The following BMP6 variants were observed in gnomAD, a reference collection of about 807,000 sequenced individuals.
The protein encoded by BMP6 is bone morphogenetic protein 6.
In BMP6, 17 loss-of-function variants were observed where a neutral mutation model predicts 54.1. The observed-to-expected ratio is 0.31, with a 90% confidence interval of 0.22 to 0.47. The LOEUF is 0.47. BMP6 is among the 20% of genes least tolerant of loss of function. The pLI is 1.00. For synonymous variants in BMP6, 328 were observed against 291.2 expected, an observed-to-expected ratio of 1.13 and a Z score of -1.28; for missense variants, 720 against 690.4, an observed-to-expected ratio of 1.04 and a Z score of -0.48.
At chr6:7,757,104 A>G (rs1158600167) in intron 1 of BMP6, among the ~76,000 whole-genome samples, 2 of 152,194 alleles carry the variant, frequency 1.3e-5, no homozygotes, top group South Asian at 2.1e-4. Context: ...TCTAAACTCA[A>G]TGAGATTGTT....
At position 7,742,237 on chromosome 6, in the gene BMP6, A is replaced by G. The variant is rs141500430; in HGVS notation, c.664+14618A>G. ...AAAGGCTTTGGGAAGAAGAAATATTATTTTCCTTCTATCTGATGTCATTAT... is the reference window on the plus strand; with the variant it reads ...AAAGGCTTTGGGAAGAAGAAATATTGTTTTCCTTCTATCTGATGTCATTAT... On this transcript the variant is annotated intron_variant, in intron 1 of 6. Transcript: ENST00000283147. Among the ~76,000 whole-genome samples, 46 of 152,282 alleles carry G rather than the reference A, an allele frequency of 3.0e-4. No homozygotes were observed. In the East Asian group the frequency reaches 6.9e-3, roughly 23 times the overall value.
intron 1 of BMP6, among the ~76,000 whole-genome samples, chr6:7,815,881 G>C (rs1427536958): frequency 1.3e-5 from 2 of 152,144 alleles, no homozygotes; most frequent in Non-Finnish European, 2.9e-5. Context: ...TCCAAAAATA[G>C]AGCAAGAGGA....
intron 1 of BMP6, among the ~76,000 whole-genome samples, chr6:7,794,710 G>A (rs747108744): frequency 5.3e-5 from 8 of 152,114 alleles, no homozygotes; most frequent in African/African-American, 9.7e-5. Context: ...TTAGGAGATC[G>A]TATTCTCAGC....
chr6:7,853,223 T>A (rs1049089708), intron 2 of BMP6, among the ~76,000 whole-genome samples: 7 of 152,160 alleles, frequency 4.6e-5, no homozygotes, highest in East Asian at 3.9e-4. Flanking sequence ...GTTAATTCAG[T>A]ATTTTTTTTA....
At chr6:7,765,454 A>G (rs1757672773) in intron 1 of BMP6, among the ~76,000 whole-genome samples, 1 of 152,240 alleles carries the variant, frequency 6.6e-6, no homozygotes. Context: ...TGCTTGGTGC[A>G]GTTAGGTACC....
At chr6:7,811,422 G>A (rs139701244) in intron 1 of BMP6, among the ~76,000 whole-genome samples, 162 of 152,298 alleles carry the variant, frequency 1.1e-3, no homozygotes, top group African/African-American at 3.8e-3. Flanking sequence ...GTCTGATTTG[G>A]AGGGATGTAG....
At chr6:7,803,623 G>T (rs1699170900) in intron 1 of BMP6, among the ~76,000 whole-genome samples, 1 of 152,088 alleles carries the variant, frequency 6.6e-6, no homozygotes, top group African/African-American at 2.4e-5. Context: ...GGTTCACGTG[G>T]CATCCCCTTC....
intron 1 of BMP6, among the ~76,000 whole-genome samples, chr6:7,791,388 G>A (rs1004036382): frequency 2.0e-5 from 3 of 152,086 alleles, no homozygotes; most frequent in Admixed American, 6.5e-5. Flanking sequence ...CTTCCTGTGG[G>A]GAGCAGCATC....
intron 1 of BMP6, among the ~76,000 whole-genome samples, chr6:7,758,726 G>A (rs941341836): frequency 5.3e-5 from 8 of 152,144 alleles, no homozygotes; most frequent in South Asian, 4.1e-4. Context: ...CCTTGGGTCC[G>A]GCTGTGCCTC....
rs754570181 is a variant in BMP6, at chr6:7,845,349, A to C, written c.857+17A>C. The C allele has an allele frequency of 6.2e-7, 1 of 1,602,764 alleles. No homozygotes were observed. Among genetic ancestry groups the C allele is most frequent in the South Asian group, 1.1e-5 (1 of 89,682 alleles). On this transcript the variant is annotated intron_variant, in intron 2 of 6. Coordinates refer to ENST00000283147, the MANE Select transcript of BMP6 (RefSeq NM_001718.6). ...TCAGCACAGGTATGAAGGCTCGAGAAAGCCCCAAAGGTGGGGCTGGCCCCT... is the reference window on the plus strand; with the variant it reads ...TCAGCACAGGTATGAAGGCTCGAGACAGCCCCAAAGGTGGGGCTGGCCCCT...
intron 1 of BMP6, among the ~76,000 whole-genome samples, chr6:7,761,547 CAG>C (rs1288047421): frequency 6.6e-6 from 1 of 152,208 alleles, no homozygotes; most frequent in East Asian, 1.9e-4. Flanking sequence ...CTGGAGCCAA[CAG>C]GGGTGGATGG....
chr6:7,853,874 T>C (rs779938928), intron 2 of BMP6, among the ~76,000 whole-genome samples: 11 of 150,458 alleles, frequency 7.3e-5, no homozygotes, highest in Non-Finnish European at 1.5e-4. Flanking sequence ...GTCAAGGGCA[T>C]ATGACTTATA....
At chr6:7,755,617 A>G (rs535369077) in intron 1 of BMP6, among the ~76,000 whole-genome samples, 1 of 152,044 alleles carries the variant, frequency 6.6e-6, no homozygotes, top group African/African-American at 2.4e-5. Flanking sequence ...ATACCCACCT[A>G]TTTACCATTT....
intron 1 of BMP6, among the ~76,000 whole-genome samples, chr6:7,821,878 T>C (rs943601767): frequency 6.6e-6 from 1 of 152,224 alleles, no homozygotes; most frequent in Non-Finnish European, 1.5e-5. Flanking sequence ...AGAGGGACTT[T>C]GGCTGTTCGG....
At chr6:7,817,031 G>C (rs1446199480) in intron 1 of BMP6, among the ~76,000 whole-genome samples, 1 of 152,092 alleles carries the variant, frequency 6.6e-6, no homozygotes, top group African/African-American at 2.4e-5. Context: ...GGCAAACAAA[G>C]ATACACGTCC....
At chr6:7,863,562 A>G (rs1365288121) in intron 4 of BMP6, among the ~76,000 whole-genome samples, 1 of 152,144 alleles carries the variant, frequency 6.6e-6, no homozygotes, top group East Asian at 1.9e-4. Flanking sequence ...CCTGAAGCAC[A>G]CTGCTGGGTG....
At chr6:7,837,355 GA>G (rs575199197) in intron 1 of BMP6, among the ~76,000 whole-genome samples, 133 of 151,890 alleles carry the variant, frequency 8.8e-4, no homozygotes, top group African/African-American at 3.1e-3. Flanking sequence ...GCAGTAGTGA[GA>G]AAAAAAGAAA....
chr6:7,747,835 G>A (rs1757369024), intron 1 of BMP6, among the ~76,000 whole-genome samples: 1 of 150,918 alleles, frequency 6.6e-6, no homozygotes, highest in African/African-American at 2.4e-5. Context: ...TTGTAGAGAT[G>A]GGGTTTCTCC....
chr6:7,840,167 C>A (rs1207947346), intron 1 of BMP6, among the ~76,000 whole-genome samples: 1 of 152,182 alleles, frequency 6.6e-6, no homozygotes, highest in Non-Finnish European at 1.5e-5. Context: ...GTGAGCCTGC[C>A]TGTACAACTT....
Sources: gnomAD v4.1 joint callset for allele counts (sites outside exome capture counted in the v4.1 genomes callset) on GRCh38, gnomAD v4.1.1 for gene constraint, MANE v1.5 for transcripts, NCBI Gene and HGNC (gene_info 2026-07-23, HGNC 2026-07-21) for gene names.